Variants in RNF19A observed in about 807,000 individuals in gnomAD.
RNF19A encodes E3 ubiquitin-protein ligase RNF19A.
In RNF19A, 32 loss-of-function variants were observed where a neutral mutation model predicts 75.7. The ratio of observed to expected loss-of-function variants is 0.42; its 90% CI spans 0.32 to 0.57. The LOEUF is 0.57. Ranked by LOEUF, RNF19A falls within the 20% of genes least tolerant of loss-of-function variation. RNF19A has a pLI of 0.10. For missense variants in RNF19A, 782 were observed against 1,036.3 expected, an observed-to-expected ratio of 0.75 and a Z score of 3.37; for synonymous variants, 335 against 345.2, an observed-to-expected ratio of 0.97 and a Z score of 0.33.
chr8:100,297,537 T>C (rs1821624949), intron 1 of RNF19A, among the ~76,000 whole-genome samples: 1 of 152,220 alleles, frequency 6.6e-6, no homozygotes, highest in Non-Finnish European at 1.5e-5. Flanking sequence ...CTGACTATAA[T>C]AATGTATGCC....
intron 2 of RNF19A, among the ~76,000 whole-genome samples, chr8:100,286,335 A>G (rs1821015577): frequency 6.6e-6 from 1 of 152,214 alleles, no homozygotes; most frequent in East Asian, 1.9e-4. Flanking sequence ...GTTGTTATCT[A>G]TATTATAGTA....
intron 1 of RNF19A, among the ~76,000 whole-genome samples, chr8:100,298,643 C>T (rs1378673131): frequency 6.6e-6 from 1 of 152,162 alleles, no homozygotes; most frequent in African/African-American, 2.4e-5. Flanking sequence ...ATTTCTTAAA[C>T]AGCTTCACAA....
chr8:100,293,234 G>A (rs1169438604), intron 1 of RNF19A, among the ~76,000 whole-genome samples: 2 of 152,176 alleles, frequency 1.3e-5, no homozygotes. Flanking sequence ...TTTTCATCTG[G>A]TGTCATGTAT....
chr8:100,262,881 A>G (rs113764582), intron 7 of RNF19A, among the ~76,000 whole-genome samples: 2 of 152,264 alleles, frequency 1.3e-5, no homozygotes, highest in African/African-American at 4.8e-5. Flanking sequence ...GATCAATCAG[A>G]TGTAGGACAA....
rs1360260257 is a variant in RNF19A, at chr8:100,257,139, A to C, written c.*1417T>G. ...TATTAAACAAAATTGGAATGCAAAC[A>C]AATATACAAATACCATAAGCATTAT... On this transcript the variant is annotated 3_prime_UTR_variant, in exon 10 of 10. Coordinates refer to ENST00000341084, the MANE Select transcript of RNF19A (RefSeq NM_183419.4). 1.3e-5 allele frequency: 2 copies of C among 152,668 alleles called. No individual in the cohort carries two copies. The highest frequency in any genetic ancestry group is 4.8e-5 in the African/African-American group (2 of 41,474). 9.5% of individuals were successfully genotyped at this position (152,668 alleles called of 1,614,324 possible). A position where few individuals can be genotyped will look rare whatever the true frequency, so the allele number is the denominator to read the frequency against.
At chr8:100,281,667 AAAGAG>A (rs1820787468) in intron 2 of RNF19A, among the ~76,000 whole-genome samples, 2 of 152,368 alleles carry the variant, frequency 1.3e-5, no homozygotes, top group African/African-American at 2.4e-5. Context: ...ACGTCGATTA[AAAGAG>A]AATGAAGAAA....
chr8:100,263,035 G>C (rs1315163631), intron 7 of RNF19A, among the ~76,000 whole-genome samples: 1 of 152,168 alleles, frequency 6.6e-6, no homozygotes, highest in Non-Finnish European at 1.5e-5. Flanking sequence ...AGTTAAGCTT[G>C]AAATTCTTGT....
At chr8:100,315,863 T>A (rs1822365432) in intron 1 of RNF19A, among the ~76,000 whole-genome samples, 1 of 152,300 alleles carries the variant, frequency 6.6e-6, no homozygotes, top group South Asian at 2.1e-4. Flanking sequence ...ACAGACTCAT[T>A]TTCTATGGGG....
At chr8:100,262,066 A>G (rs914968219) in intron 7 of RNF19A, among the ~76,000 whole-genome samples, 1 of 152,206 alleles carries the variant, frequency 6.6e-6, no homozygotes, top group African/African-American at 2.4e-5. Flanking sequence ...TAAAGAGCTT[A>G]TTATTCTCTA....
At chr8:100,268,139 T>C (rs1000849385) in intron 5 of RNF19A, among the ~76,000 whole-genome samples, 2 of 151,990 alleles carry the variant, frequency 1.3e-5, no homozygotes, top group African/African-American at 4.8e-5. Context: ...CTACTGAAAG[T>C]TACTTCTCAA....
rs1819526853 is a variant in RNF19A, at chr8:100,257,829, A to C, written c.*727T>G. 1 of 391,866 alleles carries C rather than the reference A, an allele frequency of 2.6e-6. No individual in the cohort carries two copies. Among genetic ancestry groups the C allele is most frequent in the Non-Finnish European group, 4.5e-6 (1 of 222,118 alleles). The allele number at this position is 391,866 out of a possible 1,614,324, so 24.3% of individuals were successfully genotyped here. A position where few individuals can be genotyped will look rare whatever the true frequency, so the allele number is the denominator to read the frequency against. ...TTTGTAATACTTATAACCTAATGGG[A>C]CTTTATTTTGTAGTTTTATGTATCT... is the stretch of plus-strand genomic sequence containing the variant. On this transcript the variant is annotated 3_prime_UTR_variant, in exon 10 of 10. Coordinates refer to ENST00000341084, the MANE Select transcript of RNF19A (RefSeq NM_183419.4).
At position 100,317,041 on chromosome 8, in the gene RNF19A, A is replaced by G; in HGVS notation, c.-242-3669T>C. Among the ~76,000 whole-genome samples the G allele has an allele frequency of 6.6e-6, 1 of 151,896 alleles. No individual in the cohort carries two copies. Among genetic ancestry groups the G allele is most frequent in the East Asian group, 1.9e-4 (1 of 5,162 alleles). On this transcript the variant is annotated intron_variant, in intron 1 of 3. Coordinates refer to the RNF19A transcript ENST00000519527. The surrounding 1 kb of genome is among the most constrained non-coding windows in gnomAD (Gnocchi z 4.3). ...GGTGCTAAGTCCCTCATTGCCCGGG[A>G]CCAGCAGCGCTGCCCGGCTACTCTG...
intron 1 of RNF19A, among the ~76,000 whole-genome samples, chr8:100,306,761 T>C (rs999434254): frequency 1.3e-5 from 2 of 152,190 alleles, no homozygotes; most frequent in Non-Finnish European, 2.9e-5. Context: ...GCTGTGCAGG[T>C]ACGGTTAAGT....
rs968026093 is a variant in RNF19A at position 100,273,148 on chromosome 8, T to G, written c.883+1805A>C. ...TCCCAAAGTGCTGGGATTACAGGTGTGAGCCATTGCGCCCAGCCAAGATTT... is the reference window on the plus strand; with the variant it reads ...TCCCAAAGTGCTGGGATTACAGGTGGGAGCCATTGCGCCCAGCCAAGATTT... On this transcript the variant is annotated intron_variant, in intron 3 of 9. Transcript: ENST00000341084. Among the ~76,000 whole-genome samples, 4 of 152,158 alleles carry G rather than the reference T, an allele frequency of 2.6e-5. No homozygotes were observed. In the East Asian group the frequency reaches 5.8e-4, roughly 22 times the overall value.
At chr8:100,276,375 T>C (rs1399729609) in intron 2 of RNF19A, among the ~76,000 whole-genome samples, 1 of 152,112 alleles carries the variant, frequency 6.6e-6, no homozygotes, top group Non-Finnish European at 1.5e-5. Flanking sequence ...ATTTTTGAAA[T>C]GTCAAATAGA....
chr8:100,303,761 TA>T (rs60110792), intron 1 of RNF19A, among the ~76,000 whole-genome samples: 9,608 of 94,330 alleles, frequency 0.1, 1,238 homozygotes, highest in African/African-American at 0.34. Flanking sequence ...TCGCCGCTTG[TA>T]AAAAAAAAAA....
chr8:100,305,612 G>A (rs1267751527), intron 1 of RNF19A, among the ~76,000 whole-genome samples: 2 of 152,192 alleles, frequency 1.3e-5, no homozygotes, highest in Admixed American at 6.5e-5. Flanking sequence ...GGACAACACT[G>A]CTGAAGAGAT....
intron 2 of RNF19A, among the ~76,000 whole-genome samples, chr8:100,276,311 C>T (rs1180610681): frequency 6.6e-6 from 1 of 151,948 alleles, no homozygotes; most frequent in African/African-American, 2.4e-5. Context: ...AGAATTACAC[C>T]GAGTGAAAAA....
intron 5 of RNF19A, among the ~76,000 whole-genome samples, chr8:100,268,051 T>G (rs1387813693): frequency 1.3e-5 from 2 of 151,914 alleles, no homozygotes; most frequent in Admixed American, 6.6e-5. Flanking sequence ...TTCTTTTTAT[T>G]TTTTAAAAAA....
Sources: allele counts gnomAD v4.1 joint callset (sites outside exome capture counted in the v4.1 genomes callset), GRCh38; gene constraint gnomAD v4.1.1; non-coding constraint Gnocchi (gnomAD v3.1); transcripts MANE v1.5; gene names NCBI Gene and HGNC (gene_info 2026-07-23, HGNC 2026-07-21).